The following ARHGEF18 variants were observed in gnomAD, a reference collection of about 807,000 sequenced individuals.
The protein encoded by ARHGEF18 is Rho/Rac guanine nucleotide exchange factor 18.
ARHGEF18 carries 93 observed loss-of-function variants against 155.7 expected under a neutral mutation model. The observed-to-expected ratio is 0.60, with a 90% CI of 0.50 to 0.71. ARHGEF18 has a LOEUF of 0.71. Ranked by LOEUF, ARHGEF18 falls within the 30% of genes least tolerant of loss-of-function variation. The pLI, the probability that ARHGEF18 is intolerant of heterozygous loss-of-function variation, is 0.00. For missense variants in ARHGEF18, 1,593 were observed against 1,816.1 expected (o/e 0.88, Z 2.23); for synonymous variants, 742 against 753.1 (o/e 0.99, Z 0.24).
downstream of ARHGEF18, among the ~76,000 whole-genome samples, chr19:7,475,512 A>G (rs1311034143): frequency 6.7e-6 from 1 of 149,756 alleles, no homozygotes; most frequent in Non-Finnish European, 1.5e-5. Flanking sequence ...TTATATTTCC[A>G]TAAAACTGTT....
chr19:7,392,292 AAAAG>A (rs1037972066), intron 10 of ARHGEF18, among the ~76,000 whole-genome samples: 7 of 151,988 alleles, frequency 4.6e-5, no homozygotes, highest in African/African-American at 1.7e-4. Flanking sequence ...TTGGATGGAT[AAAAG>A]AAAGATGGGA....
intron 8 of ARHGEF18, among the ~76,000 whole-genome samples, chr19:7,382,311 G>A (rs1389835812): frequency 6.6e-6 from 1 of 151,966 alleles, no homozygotes; most frequent in Non-Finnish European, 1.5e-5. Flanking sequence ...CATGAGAATC[G>A]CTTGAACCTG....
At chr19:7,353,818 T>C (rs1426407288) in intron 1 of ARHGEF18, among the ~76,000 whole-genome samples, 2 of 151,466 alleles carry the variant, frequency 1.3e-5, no homozygotes, top group South Asian at 2.1e-4. Flanking sequence ...CTGGGCATGG[T>C]GGTGCACGCC....
chr19:7,373,848 A>T (rs1296789405), intron 3 of ARHGEF18, among the ~76,000 whole-genome samples: 1 of 112,266 alleles, frequency 8.9e-6, no homozygotes, highest in African/African-American at 5.3e-5. Context: ...CTCCTATGAG[A>T]ATTTTTTTTT....
At chr19:7,363,797 A>G (rs780598084) in intron 2 of ARHGEF18, among the ~76,000 whole-genome samples, 4 of 151,406 alleles carry the variant, frequency 2.6e-5, no homozygotes, top group Non-Finnish European at 5.9e-5. Flanking sequence ...AGAATGAAGG[A>G]AGGATGGATG....
At chr19:7,381,914 G>A (rs193159238) in intron 8 of ARHGEF18, among the ~76,000 whole-genome samples, 12 of 152,038 alleles carry the variant, frequency 7.9e-5, no homozygotes, top group African/African-American at 2.7e-4. Flanking sequence ...GAAGCCACTC[G>A]GACTGGGATC....
At chr19:7,421,089 C>G (rs1263997257) in intron 10 of ARHGEF18, among the ~76,000 whole-genome samples, 1 of 152,012 alleles carries the variant, frequency 6.6e-6, no homozygotes. Flanking sequence ...TGACACCACA[C>G]TCAGCTAATT....
At chr19:7,415,814 C>T (rs1286047160) in intron 10 of ARHGEF18, among the ~76,000 whole-genome samples, 1 of 151,986 alleles carries the variant, frequency 6.6e-6, no homozygotes, top group African/African-American at 2.4e-5. Flanking sequence ...TCAGTGTTTA[C>T]CCTTTTGAAG....
intron 10 of ARHGEF18, among the ~76,000 whole-genome samples, chr19:7,415,654 C>T (rs1370304934): frequency 6.6e-6 from 1 of 151,822 alleles, no homozygotes; most frequent in Admixed American, 6.6e-5. Flanking sequence ...TCCCAGACGT[C>T]CTCTCCCTCC....
At chr19:7,384,726 C>A (rs1474986730) in intron 10 of ARHGEF18, among the ~76,000 whole-genome samples, 1 of 149,268 alleles carries the variant, frequency 6.7e-6, no homozygotes, top group Non-Finnish European at 1.5e-5. Context: ...GGGTCTCACT[C>A]TGTTGCCCAG....
In ARHGEF18 at chr19:7,456,535, G is replaced by T; in HGVS notation, c.2181+132G>T. 3 of 794,512 alleles carry T rather than the reference G, an allele frequency of 3.8e-6. No individual in the cohort carries two copies. In the Admixed American group the frequency reaches 5.7e-5, roughly 15 times the overall value. The allele number at this position is 794,512 out of a possible 1,614,324, so 49.2% of individuals were successfully genotyped here. A position where few individuals can be genotyped will look rare whatever the true frequency, so the allele number is the denominator to read the frequency against. ...AGTTGAAGTCCAGCCTGGCCAACAT[G>T]GTGAAACCTCACCTCTACTAAAAAT... On this transcript the variant is annotated intron_variant, in intron 18 of 28. Transcript: ENST00000668164.
At chr19:7,473,185 C>G (rs568975687), downstream of ARHGEF18, 6 of 456,218 alleles carry the variant, frequency 1.3e-5, no homozygotes, top group South Asian at 4.6e-5. Flanking sequence ...GTCTGAGTCC[C>G]GGTCCAGTGA....
intron 19 of ARHGEF18, among the ~76,000 whole-genome samples, chr19:7,459,347 A>G (rs1976054430): frequency 6.6e-6 from 1 of 152,148 alleles, no homozygotes; most frequent in Admixed American, 6.5e-5. Context: ...CGGCCTCCCA[A>G]GTAGCTTGAA....
downstream of ARHGEF18, chr19:7,477,423 C>T: frequency 1.4e-6 from 2 of 1,458,776 alleles, no homozygotes; most frequent in Non-Finnish European, 1.8e-6. Context: ...CTCCGCTTGC[C>T]CCGGGGCAGC....
intron 2 of ARHGEF18, among the ~76,000 whole-genome samples, chr19:7,363,720 A>G (rs1470151998): frequency 4.7e-5 from 7 of 148,268 alleles, no homozygotes; most frequent in East Asian, 4.1e-4. Flanking sequence ...AGGAAGGAAG[A>G]AAGATGGATG....
At chr19:7,405,970 C>T (rs1972283050) in intron 10 of ARHGEF18, among the ~76,000 whole-genome samples, 1 of 152,166 alleles carries the variant, frequency 6.6e-6, no homozygotes, top group African/African-American at 2.4e-5. Context: ...CTTTACAACA[C>T]AGTGATTTTC....
In ARHGEF18 at chr19:7,441,850, G is replaced by A. The variant is rs183473081; in HGVS notation, c.1220-62G>A. 5,660 of 1,613,070 alleles carry A rather than the reference G, an allele frequency of 3.5e-3. 18 individuals are homozygous for A. Among genetic ancestry groups the A allele is most frequent in the Non-Finnish European group, 4.3e-3 (5,016 of 1,179,304 alleles). Reference sequence around the variant, plus strand: ...CTGGGGCTCGTGTCAGCATGTCTACGGGAGGGAATTGGGGTGGCATGGCTC... The same window carrying A: ...CTGGGGCTCGTGTCAGCATGTCTACAGGAGGGAATTGGGGTGGCATGGCTC... On this transcript the variant is annotated intron_variant, in intron 12 of 28. Transcript: ENST00000668164.
At position 7,444,038 on chromosome 19, in the gene ARHGEF18, C is replaced by G. The variant is rs927699524; in HGVS notation, c.1361-166C>G. Among the ~76,000 whole-genome samples the G allele has an allele frequency of 1.3e-5, 2 of 152,186 alleles. No individual in the cohort carries two copies. Among genetic ancestry groups the G allele is most frequent in the Non-Finnish European group, 2.9e-5 (2 of 68,030 alleles). On this transcript the variant is annotated intron_variant, in intron 13 of 28. Coordinates refer to ENST00000668164, the MANE Select transcript of ARHGEF18 (RefSeq NM_001367823.1). This position sits in a 1 kb window ranked among gnomAD's most constrained non-coding sequence, Gnocchi z 4.7. ...TCAGGCTGGGATCCCCCGCAGCATT[C>G]TAAACCCTGGACACCCTGGAAGTAA...
chr19:7,470,824 C>T lies in ARHGEF18; in HGVS notation c.*526C>T. The T allele has an allele frequency of 2.5e-6, 1 of 401,234 alleles. No homozygotes were observed. The allele number at this position is 401,234 out of a possible 1,614,324, so 24.9% of individuals were successfully genotyped here. The stretch of plus-strand genomic sequence containing the variant: ...TCTGTCCCCAGAATCAGGCAGAATC[C>T]ACTTCCCAAACAGAGCCCCACGCAG... On this transcript the variant is annotated 3_prime_UTR_variant, in exon 29 of 29. Transcript: ENST00000668164. This position sits in a 1 kb window ranked among gnomAD's most constrained non-coding sequence, Gnocchi z 5.9.
Sources: allele counts gnomAD v4.1 joint callset (sites outside exome capture counted in the v4.1 genomes callset), GRCh38; gene constraint gnomAD v4.1.1; non-coding constraint Gnocchi (gnomAD v3.1); transcripts MANE v1.5; gene names NCBI Gene and HGNC (gene_info 2026-07-23, HGNC 2026-07-21).